The following DTNA variants were observed in gnomAD, a reference collection of about 807,000 sequenced individuals.
The protein encoded by DTNA is dystrophin-related protein 3.
A neutral mutation model predicts 100.7 loss-of-function variants in DTNA; 43 were observed. That is an observed-to-expected ratio of 0.43 (90% CI 0.33 to 0.55). DTNA has a LOEUF of 0.55. DTNA is among the 20% of genes least tolerant of loss of function. DTNA has a pLI of 0.04. For synonymous variants in DTNA, 349 were observed against 347.9 expected (o/e 1.00, Z -0.04); for missense variants, 798 against 953.9 (o/e 0.84, Z 2.15).
At chr18:34,863,033 T>C (rs996276876) in intron 16 of DTNA, among the ~76,000 whole-genome samples, 34 of 152,202 alleles carry the variant, frequency 2.2e-4, no homozygotes, top group African/African-American at 8.2e-4. Context: ...GCAGTTTTAG[T>C]ATGTAAGTAT....
intron 1 of DTNA, among the ~76,000 whole-genome samples, chr18:34,543,364 T>C (rs573194268): frequency 4.6e-4 from 70 of 152,194 alleles, no homozygotes; most frequent in African/African-American, 1.7e-3. Flanking sequence ...AAAAGCTGTC[T>C]TTCAGCACAC....
chr18:34,849,652 A>G (rs1346635588), intron 14 of DTNA, among the ~76,000 whole-genome samples: 1 of 152,230 alleles, frequency 6.6e-6, no homozygotes, highest in Admixed American at 6.5e-5. Context: ...GTTGAGCCCC[A>G]CAGTGTTTTC....
chr18:34,622,413 A>C (rs951417296), intron 1 of DTNA, among the ~76,000 whole-genome samples: 1 of 152,176 alleles, frequency 6.6e-6, no homozygotes, highest in African/African-American at 2.4e-5. Flanking sequence ...AAAAAGTGCT[A>C]CGGTTTGGTG....
intron 1 of DTNA, among the ~76,000 whole-genome samples, chr18:34,517,460 C>CTGTGTGT (rs57616989): frequency 6.7e-6 from 1 of 148,884 alleles, no homozygotes; most frequent in Non-Finnish European, 1.5e-5. Flanking sequence ...TTTATATACA[C>CTGTGTGT]GTGTGTGTGT....
chr18:34,498,959 G>A (rs2039590764), intron 1 of DTNA, among the ~76,000 whole-genome samples: 1 of 152,154 alleles, frequency 6.6e-6, no homozygotes, highest in Non-Finnish European at 1.5e-5. Flanking sequence ...GTTGTAAGGA[G>A]TAATACAGAG....
intron 19 of DTNA, among the ~76,000 whole-genome samples, chr18:34,878,131 C>T (rs1050399584): frequency 1.3e-5 from 2 of 151,972 alleles, no homozygotes; most frequent in Non-Finnish European, 2.9e-5. Flanking sequence ...TGCCAGCACG[C>T]CTGGCTAATT....
rs1438686184 is a variant in DTNA at position 34,752,708 on chromosome 18, T to A, written c.-1-3268T>A. Among the ~76,000 whole-genome samples the A allele has an allele frequency of 2.0e-5, 3 of 152,354 alleles. No homozygotes were observed. The East Asian group carries it at 5.8e-4, about 29-fold the overall frequency. On this transcript the variant is annotated intron_variant, in intron 1 of 22. Transcript: ENST00000444659. ...TTGTATTATTTCATACCACAGAGAT[T>A]TTTCTATCTCTTCCAAGGTACACAT...
chr18:34,779,910 C>T (rs2094239939), intron 3 of DTNA, among the ~76,000 whole-genome samples: 1 of 152,080 alleles, frequency 6.6e-6, no homozygotes, highest in South Asian at 2.1e-4. Context: ...CGAATGTGTT[C>T]TATTTATTAT....
intron 7 of DTNA, among the ~76,000 whole-genome samples, chr18:34,816,689 G>A (rs145357333): frequency 6.6e-6 from 1 of 152,262 alleles, no homozygotes; most frequent in East Asian, 1.9e-4. Context: ...ATGTAACTCT[G>A]AAATTTCTCC....
In DTNA at chr18:34,879,594, A is replaced by G; in HGVS notation, c.2037A>G (p.Ala679=). 2.5e-6 allele frequency: 4 copies of G among 1,614,056 alleles called. No homozygotes were observed. The highest frequency in any genetic ancestry group is 3.4e-6 in the Non-Finnish European group (4 of 1,179,982). Residue 679 remains alanine, a synonymous_variant, in exon 20 of 23, where the codon GCA becomes GCG. Coordinates refer to ENST00000444659, the MANE Select transcript of DTNA (RefSeq NM_001386795.1). ...AGAGTAATGTGGATTCTGAATTTGCACGGACTCAGTTTGAGGATCTTGTTC... is the reference window on the plus strand; with the variant it reads ...AGAGTAATGTGGATTCTGAATTTGCGCGGACTCAGTTTGAGGATCTTGTTC... The part of the protein sequence containing the change: ...ETESNVDSEF[A]RTQFEDLVPS...
At chr18:34,608,957 A>G (rs1449656066) in intron 1 of DTNA, among the ~76,000 whole-genome samples, 1 of 152,236 alleles carries the variant, frequency 6.6e-6, no homozygotes, top group African/African-American at 2.4e-5. Context: ...ATACACATGT[A>G]ATGTCATTAC....
chr18:34,792,251 T>G (rs1316662168), intron 3 of DTNA, among the ~76,000 whole-genome samples: 1 of 152,188 alleles, frequency 6.6e-6, no homozygotes, highest in East Asian at 1.9e-4. Flanking sequence ...CTCTCTCTCT[T>G]AGGGTTCTGT....
rs898190134 is a variant in DTNA, at chr18:34,735,065, C to CAT, written c.-1-20901_-1-20900dup. On this transcript the variant is annotated intron_variant, in intron 1 of 22. Coordinates refer to ENST00000444659, the MANE Select transcript of DTNA (RefSeq NM_001386795.1). ...GAACATATATATACACACACATACA[C>CAT]ATATATATATACACACACACACACT... Among the ~76,000 whole-genome samples the CAT allele has an allele frequency of 4.0e-4, 61 of 152,040 alleles. 1 individual carries two copies. Among genetic ancestry groups the CAT allele is most frequent in the Admixed American group, 1.3e-3 (20 of 15,256 alleles).
intron 17 of DTNA, among the ~76,000 whole-genome samples, chr18:34,870,322 C>G (rs1303776956): frequency 6.6e-6 from 1 of 152,160 alleles, no homozygotes; most frequent in African/African-American, 2.4e-5. Context: ...TCTACTTCTT[C>G]CAAACACTTC....
At chr18:34,849,792 GC>G (rs1359597512) in intron 14 of DTNA, among the ~76,000 whole-genome samples, 2 of 152,246 alleles carry the variant, frequency 1.3e-5, no homozygotes, top group Non-Finnish European at 2.9e-5. Flanking sequence ...TGGAGTGGAG[GC>G]ATTACTCTGC....
At chr18:34,558,206 A>G (rs911251433) in intron 1 of DTNA, 3 of 152,888 alleles carry the variant, frequency 2.0e-5, no homozygotes, top group Admixed American at 6.5e-5. Context: ...CAAGTGAGGC[A>G]ATGCCTTGCC....
intron 1 of DTNA, among the ~76,000 whole-genome samples, chr18:34,609,388 G>A (rs2053783111): frequency 6.6e-6 from 1 of 151,810 alleles, no homozygotes; most frequent in African/African-American, 2.4e-5. Flanking sequence ...GGGACTACAG[G>A]TACCCGCCAC....
At chr18:34,503,279 A>G (rs200985631) in intron 1 of DTNA, among the ~76,000 whole-genome samples, 1 of 62,094 alleles carries the variant, frequency 1.6e-5, no homozygotes, top group Middle Eastern at 0.014. Context: ...TAATTGGCTC[A>G]TTTTTTTTTT....
At chr18:34,839,589 T>A (rs906450975) in intron 13 of DTNA, among the ~76,000 whole-genome samples, 4 of 152,184 alleles carry the variant, frequency 2.6e-5, no homozygotes, top group Non-Finnish European at 5.9e-5. Context: ...AAACTATGTA[T>A]CATATGTATT....
Sources: allele counts gnomAD v4.1 joint callset (sites outside exome capture counted in the v4.1 genomes callset), GRCh38; gene constraint gnomAD v4.1.1; transcripts MANE v1.5; gene names NCBI Gene and HGNC (gene_info 2026-07-23, HGNC 2026-07-21).